The following AKAP6 variants were observed in gnomAD, a reference collection of about 807,000 sequenced individuals.
AKAP6 encodes A-kinase anchor protein 6.
In AKAP6, 58 loss-of-function variants were observed where a neutral mutation model predicts 188.5. The observed-to-expected ratio is 0.31, with a 90% CI of 0.25 to 0.38. The LOEUF is 0.38. Among genes scored for constraint, AKAP6 ranks in the 10% least tolerant of loss-of-function variants. The pLI, the probability that AKAP6 is intolerant of heterozygous loss-of-function variation, is 1.00. For synonymous variants in AKAP6, 989 were observed against 998.6 expected (o/e 0.99, Z 0.18); for missense variants, 2,710 against 2,740.0 (o/e 0.99, Z 0.24).
At chr14:32,427,820 AAAAGG>A (rs1221381514) in intron 1 of AKAP6, among the ~76,000 whole-genome samples, 1 of 152,232 alleles carries the variant, frequency 6.6e-6, no homozygotes, top group Non-Finnish European at 1.5e-5. Flanking sequence ...AAGTGGGAGA[AAAAGG>A]AAACTTATGT....
chr14:32,385,477 T>C (rs776840506), intron 1 of AKAP6, among the ~76,000 whole-genome samples: 25 of 151,822 alleles, frequency 1.6e-4, no homozygotes, highest in Non-Finnish European at 2.8e-4. Context: ...AGTTCTTTAG[T>C]GGTAATTTGT....
chr14:32,456,173 G>A (rs1011416197), intron 2 of AKAP6, among the ~76,000 whole-genome samples: 9 of 152,068 alleles, frequency 5.9e-5, no homozygotes, highest in Non-Finnish European at 1.0e-4. Flanking sequence ...TGCTAATACC[G>A]ATGGGATCCA....
At chr14:32,487,559 A>G (rs1366644500) in intron 2 of AKAP6, among the ~76,000 whole-genome samples, 2 of 152,166 alleles carry the variant, frequency 1.3e-5, no homozygotes, top group Admixed American at 6.5e-5. Context: ...TGTCAATCTC[A>G]TTCTCTGTCC....
At chr14:32,486,364 T>C (rs962668430) in intron 2 of AKAP6, among the ~76,000 whole-genome samples, 2 of 152,226 alleles carry the variant, frequency 1.3e-5, no homozygotes, top group Non-Finnish European at 2.9e-5. Context: ...AAGACGATGG[T>C]AGCTTGATGG....
rs141462637 is a variant in AKAP6, at chr14:32,837,576, C to G, written c.*7771C>G. 6.6e-6 allele frequency: 1 copy of G among 152,314 alleles called. No individual in the cohort carries two copies. The highest frequency in any genetic ancestry group is 2.4e-5 in the African/African-American group (1 of 41,570). 9.4% of individuals were successfully genotyped at this position (152,314 alleles called of 1,614,324 possible). On this transcript the variant is annotated 3_prime_UTR_variant, in exon 14 of 14. Transcript: ENST00000280979. Reference sequence around the variant, plus strand: ...AGCAATTCAAAACAAATAATTCCCTCTGTGTGTGTTTGTTTGCTTGCAAAT... The same window carrying G: ...AGCAATTCAAAACAAATAATTCCCTGTGTGTGTGTTTGTTTGCTTGCAAAT...
chr14:32,812,796 C>G (rs1283562812), intron 12 of AKAP6, among the ~76,000 whole-genome samples: 1 of 152,184 alleles, frequency 6.6e-6, no homozygotes, highest in African/African-American at 2.4e-5. Context: ...CCTGAGAATT[C>G]TTTAGAAATT....
intron 1 of AKAP6, among the ~76,000 whole-genome samples, chr14:32,352,098 TG>T (rs879367965): frequency 0.035 from 4,038 of 113,840 alleles, 110 homozygotes; most frequent in African/African-American, 0.11. Flanking sequence ...TGTGTGTGTG[TG>T]TGTTTGTGTG....
In AKAP6 at chr14:32,675,507, C is replaced by G. The variant is rs551046554; in HGVS notation, c.2731-2804C>G. Among the ~76,000 whole-genome samples the G allele has an allele frequency of 7.7e-4, 117 of 152,188 alleles. 1 individual carries two copies. In the South Asian group the frequency reaches 0.022, roughly 29 times the overall value. On this transcript the variant is annotated intron_variant, in intron 7 of 13. Coordinates refer to ENST00000280979, the MANE Select transcript of AKAP6 (RefSeq NM_004274.5). ...TCAACTCTTTCTCTTAAAAATTTAT[C>G]TTTGGACTAAAATATAGTCTGATAA... is the stretch of plus-strand genomic sequence containing the variant.
At chr14:32,444,985 C>T (rs1297478486) in intron 2 of AKAP6, among the ~76,000 whole-genome samples, 3 of 152,166 alleles carry the variant, frequency 2.0e-5, no homozygotes, top group South Asian at 2.1e-4. Flanking sequence ...ATGTATGTAT[C>T]TATGCTCCTA....
intron 11 of AKAP6, among the ~76,000 whole-genome samples, chr14:32,759,451 A>T (rs2032461541): frequency 6.6e-6 from 1 of 152,034 alleles, no homozygotes; most frequent in African/African-American, 2.4e-5. Context: ...ATGTTTCAAG[A>T]CCCATTTACT....
intron 2 of AKAP6, among the ~76,000 whole-genome samples, chr14:32,492,335 G>T (rs1880060433): frequency 9.7e-5 from 3 of 30,932 alleles, no homozygotes; most frequent in Non-Finnish European, 1.8e-4. Context: ...AAACTACATT[G>T]TAATATATAT....
At chr14:32,802,693 A>G (rs1048105142) in intron 12 of AKAP6, among the ~76,000 whole-genome samples, 1 of 152,232 alleles carries the variant, frequency 6.6e-6, no homozygotes, top group African/African-American at 2.4e-5. Flanking sequence ...GATATTCATC[A>G]TGCTTTATTT....
At chr14:32,748,217 A>G (rs75704606) in intron 11 of AKAP6, among the ~76,000 whole-genome samples, 2,828 of 152,368 alleles carry the variant, frequency 0.019, 29 homozygotes, top group Middle Eastern at 0.031. Flanking sequence ...TAGGATGGGA[A>G]CAGTGAATCT....
At chr14:32,721,394 A>G (rs2030528048) in intron 9 of AKAP6, among the ~76,000 whole-genome samples, 1 of 152,212 alleles carries the variant, frequency 6.6e-6, no homozygotes, top group Non-Finnish European at 1.5e-5. Context: ...GGTGATATTT[A>G]TCTTGAAGTT....
At chr14:32,329,985 T>C (rs1259573314) in intron 1 of AKAP6, among the ~76,000 whole-genome samples, 1 of 152,128 alleles carries the variant, frequency 6.6e-6, no homozygotes, top group East Asian at 1.9e-4. Flanking sequence ...ATGAAATTAT[T>C]TGAGCCTTTT....
intron 1 of AKAP6, among the ~76,000 whole-genome samples, chr14:32,353,237 G>A (rs1361194685): frequency 6.6e-6 from 1 of 152,046 alleles, no homozygotes; most frequent in Non-Finnish European, 1.5e-5. Context: ...CTTTCTCTGG[G>A]TTTTATAGAA....
At chr14:32,595,447 C>T (rs566133054) in intron 5 of AKAP6, among the ~76,000 whole-genome samples, 136 of 152,266 alleles carry the variant, frequency 8.9e-4, no homozygotes, top group Non-Finnish European at 1.7e-3. Context: ...ACCTGGATCC[C>T]AGCATGGGCT....
chr14:32,392,832 C>T (rs1376865747), intron 1 of AKAP6, among the ~76,000 whole-genome samples: 1 of 152,020 alleles, frequency 6.6e-6, no homozygotes, highest in African/African-American at 2.4e-5. Context: ...AAATAAATAT[C>T]CATGAGTTTG....
chr14:32,580,621 T>A (rs1594758615), intron 5 of AKAP6, among the ~76,000 whole-genome samples: 1 of 152,230 alleles, frequency 6.6e-6, no homozygotes, highest in East Asian at 1.9e-4. Flanking sequence ...GTTACCTATG[T>A]ATACATGTGC....
Sources: allele counts gnomAD v4.1 joint callset (sites outside exome capture counted in the v4.1 genomes callset), GRCh38; gene constraint gnomAD v4.1.1; transcripts MANE v1.5; gene names NCBI Gene and HGNC (gene_info 2026-07-23, HGNC 2026-07-21).